SEMA3E: variants seen among roughly 807,000 people sequenced by gnomAD.
SEMA3E encodes the protein semaphorin 3E.
In SEMA3E, 49 loss-of-function variants were observed where a neutral mutation model predicts 93.6. That is an observed-to-expected ratio of 0.52 (90% CI 0.42 to 0.66). The LOEUF is 0.66. Among genes scored for constraint, SEMA3E ranks in the 30% least tolerant of loss-of-function variants. The pLI, the probability that SEMA3E is intolerant of heterozygous loss-of-function variation, is 0.00. For missense variants in SEMA3E, 906 were observed against 964.8 expected (o/e 0.94, Z 0.81); for synonymous variants, 363 against 330.7 (o/e 1.10, Z -1.06).
At position 83,513,265 on chromosome 7, in the gene SEMA3E, G is replaced by C. The variant is rs190015607; in HGVS notation, c.116-22991C>G. Reference sequence around the variant, plus strand: ...GTTTTGGCTCAAAATCAAGGCTGTGGCCTCTGCAACCATCACATCTACTTT... The same window carrying C: ...GTTTTGGCTCAAAATCAAGGCTGTGCCCTCTGCAACCATCACATCTACTTT... On this transcript the variant is annotated intron_variant, in intron 1 of 16. Coordinates refer to ENST00000643230, the MANE Select transcript of SEMA3E (RefSeq NM_012431.3). Among the ~76,000 whole-genome samples, 16 of 152,254 alleles carry C rather than the reference G, an allele frequency of 1.1e-4. 1 individual carries two copies. Among genetic ancestry groups the C allele is most frequent in the Middle Eastern group, 3.4e-3 (1 of 294 alleles).
At chr7:83,523,075 G>A (rs1380264427) in intron 1 of SEMA3E, among the ~76,000 whole-genome samples, 1 of 152,112 alleles carries the variant, frequency 6.6e-6, no homozygotes, top group Admixed American at 6.6e-5. Flanking sequence ...CGAGGAAATA[G>A]GAAGTTGGCA....
At chr7:83,389,012 G>C (rs1787940459) in intron 14 of SEMA3E, among the ~76,000 whole-genome samples, 3 of 149,810 alleles carry the variant, frequency 2.0e-5, no homozygotes, top group Admixed American at 2.0e-4. Context: ...TTTAGTTTTA[G>C]TTTTTTTTTA....
intron 1 of SEMA3E, among the ~76,000 whole-genome samples, chr7:83,510,647 C>T (rs1054245528): frequency 3.3e-5 from 5 of 152,004 alleles, no homozygotes; most frequent in African/African-American, 7.2e-5. Context: ...AAGGATTTTT[C>T]GATAGAATAT....
intron 4 of SEMA3E, among the ~76,000 whole-genome samples, chr7:83,442,992 G>A (rs1447413433): frequency 6.6e-6 from 1 of 152,114 alleles, no homozygotes; most frequent in Non-Finnish European, 1.5e-5. Context: ...GTAGATATGA[G>A]GGACTGGGGA....
rs541525259 is a variant in SEMA3E, at chr7:83,612,516, G to A, written c.115+35912C>T. 5.9e-5 allele frequency: 9 copies of A among 152,180 alleles called. No homozygotes were observed. The East Asian group carries it at 9.6e-4, about 16-fold the overall frequency. 9.4% of individuals were successfully genotyped at this position (152,180 alleles called of 1,614,324 possible). A position where few individuals can be genotyped will look rare whatever the true frequency, so the allele number is the denominator to read the frequency against. On this transcript the variant is annotated intron_variant, in intron 1 of 16. Transcript: ENST00000643230. The stretch of plus-strand genomic sequence containing the variant: ...AAACTTAGGTAGCAAAATACCCAAG[G>A]TCACACAGCCAGAATTTGACTGTGT...
intron 1 of SEMA3E, among the ~76,000 whole-genome samples, chr7:83,522,470 G>A (rs1325869602): frequency 3.9e-5 from 6 of 152,026 alleles, no homozygotes; most frequent in Non-Finnish European, 8.8e-5. Flanking sequence ...ATAATCTAAA[G>A]TTCACTGTAG....
At chr7:83,383,508 T>C (rs927849661) in intron 16 of SEMA3E, among the ~76,000 whole-genome samples, 5 of 151,948 alleles carry the variant, frequency 3.3e-5, no homozygotes, top group Non-Finnish European at 5.9e-5. Flanking sequence ...AATCAATCCG[T>C]ATATAGCTAG....
chr7:83,638,903 A>T (rs1309447571), intron 1 of SEMA3E, among the ~76,000 whole-genome samples: 4 of 151,528 alleles, frequency 2.6e-5, no homozygotes, highest in Non-Finnish European at 4.4e-5. Context: ...CGAGGTCAGG[A>T]GATCGAGACC....
chr7:83,425,795 A>G (rs993747425), intron 4 of SEMA3E, among the ~76,000 whole-genome samples: 2 of 152,202 alleles, frequency 1.3e-5, no homozygotes, highest in Admixed American at 6.5e-5. Context: ...TCAACAGAGT[A>G]TGGACAACCT....
chr7:83,606,685 C>T (rs1340524573), intron 1 of SEMA3E, among the ~76,000 whole-genome samples: 1 of 144,994 alleles, frequency 6.9e-6, no homozygotes, highest in African/African-American at 2.6e-5. Flanking sequence ...GTGGGTGCAG[C>T]ACACCAGCAT....
chr7:83,434,749 T>A (rs1469992541), intron 4 of SEMA3E, among the ~76,000 whole-genome samples: 1 of 146,596 alleles, frequency 6.8e-6, no homozygotes, highest in East Asian at 2.1e-4. Flanking sequence ...AGTCTCGCTC[T>A]GTCGCCCAGG....
intron 1 of SEMA3E, among the ~76,000 whole-genome samples, chr7:83,647,677 A>G (rs1340031651): frequency 2.0e-5 from 3 of 152,186 alleles, no homozygotes; most frequent in Non-Finnish European, 4.4e-5. Context: ...GCTTTACAAG[A>G]CAATTGTAGA....
intron 1 of SEMA3E, among the ~76,000 whole-genome samples, chr7:83,572,407 A>G (rs539742248): frequency 1.7e-4 from 26 of 152,218 alleles, no homozygotes; most frequent in African/African-American, 5.5e-4. Context: ...TTGGGAGGCC[A>G]AGGCGGGTGG....
intron 1 of SEMA3E, among the ~76,000 whole-genome samples, chr7:83,562,940 G>A (rs1044882984): frequency 3.3e-5 from 5 of 152,168 alleles, no homozygotes; most frequent in African/African-American, 9.7e-5. Context: ...CTTCAAGGAT[G>A]TTGTTGTATC....
At chr7:83,630,731 T>G (rs1053969257) in intron 1 of SEMA3E, among the ~76,000 whole-genome samples, 1 of 152,158 alleles carries the variant, frequency 6.6e-6, no homozygotes, top group African/African-American at 2.4e-5. Context: ...TCCTGTATAC[T>G]CAAAATTCCA....
chr7:83,627,454 T>C (rs2115657147), intron 1 of SEMA3E, among the ~76,000 whole-genome samples: 1 of 151,876 alleles, frequency 6.6e-6, no homozygotes, highest in Non-Finnish European at 1.5e-5. Context: ...GATGCAGATA[T>C]ATTTAGGATA....
chr7:83,437,454 A>T (rs538237069), intron 4 of SEMA3E, among the ~76,000 whole-genome samples: 1 of 152,216 alleles, frequency 6.6e-6, no homozygotes, highest in Admixed American at 6.5e-5. Context: ...TATGACTTAA[A>T]ATTTTAAAGA....
At chr7:83,601,834 G>A (rs534035388) in intron 1 of SEMA3E, among the ~76,000 whole-genome samples, 9 of 152,246 alleles carry the variant, frequency 5.9e-5, no homozygotes, top group South Asian at 4.1e-4. Flanking sequence ...TCTCTGGTTC[G>A]TGAAACATCC....
Position 83,648,593 on chromosome 7 carries a change from G to T in SEMA3E, c.-51C>A, listed in dbSNP as rs772218053. The T allele has an allele frequency of 5.7e-6, 8 of 1,398,944 alleles. No homozygotes were observed. In the Admixed American group the frequency reaches 1.4e-4, roughly 24 times the overall value. The allele number at this position is 1,398,944 out of a possible 1,614,324, so 86.7% of individuals were successfully genotyped here. A position where few individuals can be genotyped will look rare whatever the true frequency, so the allele number is the denominator to read the frequency against. On this transcript the variant is annotated 5_prime_UTR_variant, in exon 1 of 17. Transcript: ENST00000643230. The stretch of plus-strand genomic sequence containing the variant: ...TCGCTCCTCACTTTAAGGAGGGTCT[G>T]AGTTTTACTTAGGACTTCCCTCCAG...
Sources: gnomAD v4.1 joint callset for allele counts (sites outside exome capture counted in the v4.1 genomes callset) on GRCh38, gnomAD v4.1.1 for gene constraint, MANE v1.5 for transcripts, NCBI Gene and HGNC (gene_info 2026-07-23, HGNC 2026-07-21) for gene names.